Variants in CIC observed in about 807,000 individuals in gnomAD.
CIC encodes the protein capicua transcriptional repressor.
CIC carries 18 observed loss-of-function variants against 115.7 expected under a neutral mutation model. The ratio of observed to expected loss-of-function variants is 0.16; its 90% confidence interval spans 0.11 to 0.23. The LOEUF (loss-of-function observed/expected upper bound fraction) is 0.23. Ranked by LOEUF, CIC falls within the 10% of genes least tolerant of loss-of-function variation. CIC has a pLI of 1.00. For missense variants in CIC, 2,000 were observed against 2,159.3 expected, an observed-to-expected ratio of 0.93 and a Z score of 1.46; for synonymous variants, 1,076 against 923.0, an observed-to-expected ratio of 1.17 and a Z score of -3.01.
chr19:42,292,186 T>C lies in CIC; in HGVS notation c.5714T>C (p.Val1905Ala), dbSNP rs1478676123. 1.2e-6 allele frequency: 2 copies of C among 1,613,724 alleles called. No homozygotes were observed. The highest frequency in any genetic ancestry group is 2.7e-5 in the African/African-American group (2 of 74,844). The change falls in exon 13 of 21, where the codon GTC becomes GCC. Residue 1905 changes from valine to alanine, a missense_variant. This residue lies in a region of CIC where 1,466 missense variants were observed against 1,390.4 expected (regional missense o/e 1.05). Transcript: ENST00000681038. The stretch of plus-strand genomic sequence containing the variant: ...GGACCCACCTCTCAGCCTCAGAAGG[T>C]CCTGTTGCCCTCCTCCACCAGGTAA... ...LPGPTSQPQK[V>A]LLPSSTRITY... is the part of the protein sequence containing the mutation.
chr19:42,294,653 A>G lies in CIC; in HGVS notation c.7104A>G (p.Pro2368=), dbSNP rs1032540294. The G allele has an allele frequency of 6.2e-7, 1 of 1,613,740 alleles. No individual in the cohort carries two copies. Among genetic ancestry groups the G allele is most frequent in the African/African-American group, 1.3e-5 (1 of 75,008 alleles). The change falls in exon 20 of 21, where the codon CCA becomes CCG. Residue 2368 remains proline, a synonymous_variant. Transcript: ENST00000681038. ...GGGAGCTAGAGTATGACAAGGTGCC[A>G]TACTCCTCCCTGCGGCGCACCCTGG... The part of the protein sequence containing the change: ...VLGELEYDKV[P]YSSLRRTLDQ...
chr19:42,286,328 G>T (rs1371319195), intron 2 of CIC, among the ~76,000 whole-genome samples: 1 of 152,148 alleles, frequency 6.6e-6, no homozygotes, highest in Non-Finnish European at 1.5e-5. Flanking sequence ...AAGAGAGCAT[G>T]AGGCCAAGGT....
Position 42,273,181 on chromosome 19 carries a change from G to A in CIC, c.1398G>A (p.Pro466=), listed in dbSNP as rs1353296779. Residue 466 remains proline, a synonymous_variant, in exon 2 of 21, where the codon CCG becomes CCA. Coordinates refer to ENST00000681038, the MANE Select transcript of CIC (RefSeq NM_001386298.1). ...CCTCCCTGGAAAAGGGGACAGCACC[G>A]GCAGCCCGGGCCCGCACGCCACTGA... ...SVASLEKGTA[P]AARARTPLTA... 4.5e-5 allele frequency: 18 copies of A among 398,770 alleles called. No individual in the cohort carries two copies. The highest frequency in any genetic ancestry group is 1.4e-4 in the African/African-American group (7 of 48,746). The allele number at this position is 398,770 out of a possible 1,614,324, so 24.7% of individuals were successfully genotyped here.
intron 2 of CIC, chr19:42,284,885 G>A (rs2037515210): frequency 8.2e-6 from 8 of 973,172 alleles, no homozygotes; most frequent in East Asian, 5.4e-5. Flanking sequence ...AGAGTAAAGG[G>A]ATGACGGGGA....
In CIC at chr19:42,290,614, G is replaced by A. The variant is rs368976470; in HGVS notation, c.4573G>A (p.Val1525Ile). 2.5e-6 allele frequency: 4 copies of A among 1,613,702 alleles called. No homozygotes were observed. The African/African-American group carries it at 5.3e-5, about 22-fold the overall frequency. ...TGGCCTGGAGCCACCAGGCCCCTCA[G>A]TCATCGCGGCCCCTCCCAGCGGAGG... ...VGGLEPPGPSVIAAPPSGGGN... is the reference protein window; with the variant it reads ...VGGLEPPGPSIIAAPPSGGGN... The change falls in exon 11 of 21, where the codon GTC (valine) becomes ATC (isoleucine). Residue 1525 changes from valine to isoleucine, a missense_variant. This residue lies in a region of CIC where 1,466 missense variants were observed against 1,390.4 expected (regional missense o/e 1.05). Transcript: ENST00000681038.
chr19:42,281,349 C>T (rs1322972043), intron 2 of CIC, among the ~76,000 whole-genome samples: 2 of 152,202 alleles, frequency 1.3e-5, no homozygotes, highest in African/African-American at 4.8e-5. Context: ...TGGCTGCTCG[C>T]CCCAGGCCTC....
chr19:42,293,421 C>A, intron 16 of CIC, 140 bp downstream of exon 16: 2 of 1,343,974 alleles, frequency 1.5e-6, no homozygotes, highest in South Asian at 1.3e-5. Flanking sequence ...CTTCTGCCTG[C>A]CTGTGTTGTC....
chr19:42,293,716 G>T lies in CIC; in HGVS notation c.6647G>T (p.Ser2216Ile). 6.2e-7 allele frequency: 1 copy of T among 1,612,942 alleles called. No individual in the cohort carries two copies. The highest frequency in any genetic ancestry group is 8.5e-7 in the Non-Finnish European group (1 of 1,179,820). ...CCAGCTGTAGCCCCTGGTGGCAGCA[G>T]CGAGAGCAGCAGTGGGCGGGCAGCC... ...PAPAVAPGGS[S>I]ESSSGRAAGD... The change falls in exon 17 of 21, where the codon AGC (serine) becomes ATC (isoleucine). Residue 2216 changes from serine to isoleucine, a missense_variant. By Grantham distance (142) the Ser-to-Ile change is moderately radical. Coordinates refer to ENST00000681038, the MANE Select transcript of CIC (RefSeq NM_001386298.1).
In CIC at chr19:42,294,955, G is replaced by A. The variant is rs377711748; in HGVS notation, c.7318G>A (p.Ala2440Thr). ...CACTCCCACGGAGCAGCCCCCTGGA[G>A]CTGAGGCTCCTCTCCCTGTACCGCC... ...AATPTEQPPG[A>T]EAPLPVPPPT... is the part of the protein sequence containing the mutation. The change falls in exon 21 of 21, where the codon GCT becomes ACT. Residue 2440 changes from alanine (A) to threonine (T), a missense_variant. By Grantham distance (58) the Ala-to-Thr change is moderately conservative. Coordinates refer to ENST00000681038, the MANE Select transcript of CIC (RefSeq NM_001386298.1). The A allele has an allele frequency of 3.7e-6, 6 of 1,600,308 alleles. No homozygotes were observed. Among genetic ancestry groups the A allele is most frequent in the African/African-American group, 2.7e-5 (2 of 74,920 alleles).
In CIC at chr19:42,290,620, G is replaced by A. The variant is rs757778642; in HGVS notation, c.4579G>A (p.Ala1527Thr). The stretch of plus-strand genomic sequence containing the variant: ...GGAGCCACCAGGCCCCTCAGTCATC[G>A]CGGCCCCTCCCAGCGGAGGAGGAAA... ...GLEPPGPSVIAAPPSGGGNIL... is the reference protein window; with the variant it reads ...GLEPPGPSVITAPPSGGGNIL... The change falls in exon 11 of 21, where the codon GCG becomes ACG. Residue 1527 changes from alanine to threonine, a missense_variant. Physicochemically the swap from Ala to Thr is moderately conservative, Grantham distance 58 (BLOSUM62 0). Transcript: ENST00000681038. 9 of 1,613,638 alleles carry A rather than the reference G, an allele frequency of 5.6e-6. No individual in the cohort carries two copies. The South Asian group carries it at 7.7e-5, about 14-fold the overall frequency.
intron 2 of CIC, among the ~76,000 whole-genome samples, chr19:42,281,868 C>T (rs996487621): frequency 2.6e-5 from 4 of 152,262 alleles, no homozygotes; most frequent in Non-Finnish European, 5.9e-5. Flanking sequence ...TCTTTCCCTC[C>T]TGTGCCATGC....
Position 42,291,416 on chromosome 19 carries a change from C to T in CIC, c.5375C>T (p.Thr1792Ile). Residue 1792 changes from threonine to isoleucine, a missense_variant, in exon 11 of 21, where the codon ACT becomes ATT. This residue lies in a region of CIC where 1,466 missense variants were observed against 1,390.4 expected (regional missense o/e 1.05). Transcript: ENST00000681038. ...AAAGTCCTGGCTGCCACTGCACCCA[C>T]TCCTGGCATCCCCATCCTGCAGTCT... ...NGKVLAATAP[T>I]PGIPILQSVP... The T allele has an allele frequency of 6.2e-7, 1 of 1,613,032 alleles. No individual in the cohort carries two copies. The highest frequency in any genetic ancestry group is 8.5e-7 in the Non-Finnish European group (1 of 1,179,988).
At position 42,287,045 on chromosome 19, in the gene CIC, C is replaced by G. The variant is rs2147176980; in HGVS notation, c.2984C>G (p.Pro995Arg). 1 of 1,611,922 alleles carries G rather than the reference C, an allele frequency of 6.2e-7. No individual in the cohort carries two copies. Among genetic ancestry groups the G allele is most frequent in the South Asian group, 1.1e-5 (1 of 91,046 alleles). The change falls in exon 4 of 21, where the codon CCA (proline) becomes CGA (arginine). Residue 995 changes from proline to arginine, a missense_variant. Pro to Arg is a moderately radical substitution (Grantham distance 103). Coordinates refer to ENST00000681038, the MANE Select transcript of CIC (RefSeq NM_001386298.1). The surrounding 1 kb of genome is among the most constrained non-coding windows in gnomAD (Gnocchi z 8.7). Reference protein sequence around the residue: ...ESAAVAHERPPGGTGSADPER... With the variant: ...ESAAVAHERPRGGTGSADPER... ...GCAGCTGTTGCTCATGAACGGCCAC[C>G]AGGTGGGACAGGGAGTGCTGACCCT...
chr19:42,292,007 C>T, intron 12 of CIC, 79 bp from the exon 13 acceptor site: 10 of 1,598,196 alleles, frequency 6.3e-6, no homozygotes, highest in Non-Finnish European at 8.6e-6. Flanking sequence ...TGCTTAGAGT[C>T]CCACTTGAGG....
At position 42,293,683 on chromosome 19, in the gene CIC, C is replaced by T; in HGVS notation, c.6614C>T (p.Ala2205Val). 6.2e-7 allele frequency: 1 copy of T among 1,612,804 alleles called. No homozygotes were observed. Among genetic ancestry groups the T allele is most frequent in the Non-Finnish European group, 8.5e-7 (1 of 1,179,738 alleles). ...GAGCCTCCCACTCCTCCCAGCCCGG[C>T]CCCAGCTCCAGCTGTAGCCCCTGGT... ...RGEPPTPPSP[A>V]PAPAVAPGGS... The change falls in exon 17 of 21, where the codon GCC becomes GTC. Residue 2205 changes from alanine (A) to valine (V), a missense_variant. This residue lies in a region of CIC where 1,466 missense variants were observed against 1,390.4 expected (regional missense o/e 1.05). Coordinates refer to ENST00000681038, the MANE Select transcript of CIC (RefSeq NM_001386298.1).
intron 11 of CIC, 32 bp downstream of exon 11, chr19:42,291,498 G>A (rs1555770223): frequency 6.2e-7 from 1 of 1,613,116 alleles, no homozygotes; most frequent in Non-Finnish European, 8.5e-7. Flanking sequence ...ACTAGGGGAG[G>A]GGCCATAGTC....
At chr19:42,290,099 G>A (rs1599909061) in intron 10 of CIC, 134 bp from the exon 11 acceptor site, 11 of 1,446,470 alleles carry the variant, frequency 7.6e-6, no homozygotes, top group East Asian at 4.5e-5. Context: ...TAGTCAGGAT[G>A]AATTGAGGCC....
At chr19:42,284,007 C>CGGGGAAGGGGCG (rs1215545034) in intron 2 of CIC, 2 of 129,376 alleles carry the variant, frequency 1.5e-5, no homozygotes, top group Admixed American at 1.5e-4. Context: ...GCGGGGGAAG[C>CGGGGAAGGGGCG]GGGGAAGGGG....
rs535852906 is a variant in CIC at position 42,291,915 on chromosome 19, C to T, written c.5613+170C>T. ...CTCTCTCAAGTCCTCAGTGTCTGTA[C>T]CCTCCTCCTTCTCTGTGTCCCCACC... On this transcript the variant is annotated intron_variant, in intron 12 of 20. Coordinates refer to ENST00000681038, the MANE Select transcript of CIC (RefSeq NM_001386298.1). 5.3e-5 allele frequency among the ~76,000 whole-genome samples: 8 copies of T among 152,264 alleles called. No homozygotes were observed. The South Asian group carries it at 1.2e-3, about 24-fold the overall frequency.
Sources: allele counts gnomAD v4.1 joint callset (sites outside exome capture counted in the v4.1 genomes callset), GRCh38; gene constraint gnomAD v4.1.1; regional missense constraint gnomAD v4.1.1; non-coding constraint Gnocchi (gnomAD v3.1); transcripts MANE v1.5; gene names NCBI Gene and HGNC (gene_info 2026-07-23, HGNC 2026-07-21).